Variants in BPIFC observed in about 807,000 individuals in gnomAD.
The protein encoded by BPIFC is BPI fold containing family C.
A neutral mutation model predicts 57.6 loss-of-function variants in BPIFC; 60 were observed. The observed-to-expected ratio is 1.04, with a 90% CI of 0.85 to 1.29. The LOEUF (loss-of-function observed/expected upper bound fraction) is 1.29, where lower values mean the gene tolerates loss of function less well. Ranked by LOEUF, BPIFC falls within the 50% of genes most tolerant of loss-of-function variation. The pLI is 0.00. For synonymous variants in BPIFC, 243 were observed against 224.5 expected (o/e 1.08, Z -0.74); for missense variants, 581 against 600.5 (o/e 0.97, Z 0.34).
Position 32,437,756 on chromosome 22 carries a change from T to G in BPIFC, c.747+4A>C, listed in dbSNP as rs1377431890. On this transcript the variant is annotated splice_donor_region_variant and intron_variant, in intron 9 of 16. Coordinates refer to ENST00000300399, the MANE Select transcript of BPIFC (RefSeq NM_174932.3). The stretch of plus-strand genomic sequence containing the variant: ...GCTGAGGATTCTGATGATGATAAAG[T>G]TACCTTCAAGTTCAGGTCAAGGTAG... 10 of 1,576,660 alleles carry G rather than the reference T, an allele frequency of 6.3e-6. No individual in the cohort carries two copies. The highest frequency in any genetic ancestry group is 8.7e-6 in the Non-Finnish European group (10 of 1,146,228).
At chr22:32,453,650 T>C (rs1330385403) in intron 3 of BPIFC, 147 bp from the exon 4 acceptor site, 1 of 1,070,110 alleles carries the variant, frequency 9.3e-7, no homozygotes, top group Non-Finnish European at 1.3e-6. Context: ...TATTATTGTC[T>C]CTGGTTTACA....
chr22:32,419,307 T>G, intron 14 of BPIFC, 55 bp downstream of exon 14: 4 of 1,531,244 alleles, frequency 2.6e-6, no homozygotes, highest in Non-Finnish European at 3.6e-6. Flanking sequence ...TTATATATAG[T>G]AGGAGAATCC....
intron 4 of BPIFC, among the ~76,000 whole-genome samples, chr22:32,449,907 T>G (rs1229822279): frequency 6.6e-6 from 1 of 152,048 alleles, no homozygotes; most frequent in Non-Finnish European, 1.5e-5. Flanking sequence ...GCTAATTTTT[T>G]GTACTTTTAG....
intron 12 of BPIFC, among the ~76,000 whole-genome samples, chr22:32,431,923 C>T (rs1039480895): frequency 2.0e-5 from 3 of 152,120 alleles, no homozygotes; most frequent in African/African-American, 7.2e-5. Context: ...TCCTGCCACA[C>T]ATACCCTTCC....
In BPIFC at chr22:32,456,876, C is replaced by T. The variant is rs565584193; in HGVS notation, c.124+387G>A. 1.7e-3 allele frequency among the ~76,000 whole-genome samples: 257 copies of T among 152,260 alleles called. 3 individuals carry two copies. Among genetic ancestry groups the T allele is most frequent in the African/African-American group, 6.0e-3 (248 of 41,548 alleles). ...TGCAGTCACCCATATTACATTTTAA[C>T]CCAATTTTAGGGGATTCTAAGTCCC... On this transcript the variant is annotated intron_variant, in intron 3 of 16. Coordinates refer to ENST00000300399, the MANE Select transcript of BPIFC (RefSeq NM_174932.3).
Position 32,414,167 on chromosome 22 carries a change from TAAGA to T in BPIFC, c.*132_*135del, listed in dbSNP as rs1933602480. ...GCCTTATTCTGGGTTCCTGAAGGCTTAAGAAAGAAAACTTTCTGCCTAAGCAATT... is the reference window on the plus strand; with the variant it reads ...GCCTTATTCTGGGTTCCTGAAGGCTTAAGAAAACTTTCTGCCTAAGCAATT... On this transcript the variant is annotated 3_prime_UTR_variant, in exon 17 of 17. Transcript: ENST00000300399. The T allele has an allele frequency of 3.2e-6, 4 of 1,256,204 alleles. No homozygotes were observed. Among genetic ancestry groups the T allele is most frequent in the Admixed American group, 2.5e-5 (1 of 39,610 alleles). The allele number at this position is 1,256,204 out of a possible 1,614,324, so 77.8% of individuals were successfully genotyped here. A position where few individuals can be genotyped will look rare whatever the true frequency, so the allele number is the denominator to read the frequency against.
intron 4 of BPIFC, 63 bp from the exon 5 acceptor site, chr22:32,447,403 C>T (rs1934761169): frequency 1.3e-6 from 2 of 1,560,850 alleles, no homozygotes; most frequent in Non-Finnish European, 1.7e-6. Flanking sequence ...GTCAAGCAAA[C>T]TTGGGAACAC....
chr22:32,451,892 A>G (rs1261658238), intron 4 of BPIFC, among the ~76,000 whole-genome samples: 1 of 152,002 alleles, frequency 6.6e-6, no homozygotes, highest in African/African-American at 2.4e-5. Flanking sequence ...GTTGTTCACT[A>G]CAATATCCCC....
chr22:32,419,492 A>C, intron 13 of BPIFC, 88 bp from the exon 14 acceptor site: 1 of 1,293,236 alleles, frequency 7.7e-7, no homozygotes, highest in Non-Finnish European at 1.1e-6. Flanking sequence ...TTTTCAGTTC[A>C]AAAGTCACTA....
intron 13 of BPIFC, among the ~76,000 whole-genome samples, chr22:32,421,718 G>A (rs1933852167): frequency 1.3e-5 from 2 of 152,230 alleles, no homozygotes; most frequent in African/African-American, 2.4e-5. Flanking sequence ...TAGCAGCCTT[G>A]TGAGCAAAAC....
chr22:32,424,696 T>TTCTTCC lies in BPIFC; in HGVS notation c.1218-5293_1218-5292insGGAAGA, dbSNP rs1933985071. Among the ~76,000 whole-genome samples, 9 of 94,272 alleles carry TTCTTCC rather than the reference T, an allele frequency of 9.5e-5. 1 individual carries two copies. The South Asian group carries it at 2.5e-3, about 27-fold the overall frequency. The allele number at this position is 94,272 out of a possible 152,430, so 61.8% of individuals were successfully genotyped here. On this transcript the variant is annotated intron_variant, in intron 13 of 16. Transcript: ENST00000300399. ...CTTCTTCTTCTTCTTCTTCTTCCTC[T>TTCTTCC]TCTTCTTCCTCTTCTTCTTCCTCTT...
chr22:32,425,471 C>T (rs779525704), intron 13 of BPIFC, among the ~76,000 whole-genome samples: 9 of 152,154 alleles, frequency 5.9e-5, no homozygotes, highest in Non-Finnish European at 1.0e-4. Flanking sequence ...GGGCAGGATA[C>T]AGGGGAGCGA....
At position 32,445,946 on chromosome 22, in the gene BPIFC, C is replaced by G. The variant is rs139756027; in HGVS notation, c.425G>C (p.Gly142Ala). 1.9e-6 allele frequency: 3 copies of G among 1,614,046 alleles called. No individual in the cohort carries two copies. The South Asian group carries it at 3.3e-5, about 18-fold the overall frequency. Residue 142 changes from glycine to alanine, a missense_variant, in exon 6 of 17, where the codon GGT (glycine) becomes GCT (alanine). Gly to Ala is a moderately conservative substitution (Grantham distance 60). Coordinates refer to ENST00000300399, the MANE Select transcript of BPIFC (RefSeq NM_174932.3). Reference protein sequence around the residue: ...DLFLSGVYFTGIIILTRNDFG... With the variant: ...DLFLSGVYFTAIIILTRNDFG... ...GTCATTTCGGGTTAGGATAATGATA[C>G]CGGTAAAGTAGACTCCGGAGAGAAA...
chr22:32,445,254 T>C (rs377181099), intron 7 of BPIFC, among the ~76,000 whole-genome samples: 4 of 152,052 alleles, frequency 2.6e-5, no homozygotes, highest in South Asian at 4.1e-4. Flanking sequence ...AATTAAAGGA[T>C]TGGCCAGGCG....
chr22:32,429,032 C>T (rs1185996522), intron 13 of BPIFC, among the ~76,000 whole-genome samples: 2 of 152,120 alleles, frequency 1.3e-5, no homozygotes, highest in Admixed American at 6.5e-5. Context: ...GATTCACTTC[C>T]TTGTCCAGAT....
intron 2 of BPIFC, 130 bp from the exon 3 acceptor site, chr22:32,457,516 T>C: frequency 1.0e-6 from 1 of 984,036 alleles, no homozygotes; most frequent in Non-Finnish European, 1.5e-6. Flanking sequence ...ATCCAATCCA[T>C]CCATTCATCC....
At chr22:32,431,918 C>T (rs978816704) in intron 12 of BPIFC, among the ~76,000 whole-genome samples, 1 of 152,040 alleles carries the variant, frequency 6.6e-6, no homozygotes, top group Non-Finnish European at 1.5e-5. Flanking sequence ...TCCCATCCTG[C>T]CACACATACC....
chr22:32,456,511 CTTAG>C (rs1007092480), intron 3 of BPIFC, among the ~76,000 whole-genome samples: 18 of 134,286 alleles, frequency 1.3e-4, no homozygotes, highest in Admixed American at 4.4e-4. Context: ...AGAAGCATTT[CTTAG>C]TTAGGCTTAG....
chr22:32,444,524 C>G (rs1214481485), intron 7 of BPIFC, among the ~76,000 whole-genome samples: 4 of 152,252 alleles, frequency 2.6e-5, no homozygotes, highest in Non-Finnish European at 4.4e-5. Context: ...CTGTCCTTAT[C>G]TCCCCCAAAA....
Sources: gnomAD v4.1 joint callset for allele counts (sites outside exome capture counted in the v4.1 genomes callset) on GRCh38, gnomAD v4.1.1 for gene constraint, MANE v1.5 for transcripts, NCBI Gene and HGNC (gene_info 2026-07-23, HGNC 2026-07-21) for gene names.